NRXN1: variants seen among roughly 807,000 people sequenced by gnomAD.
NRXN1 encodes the protein neurexin-1.
NRXN1 carries 39 observed loss-of-function variants against 150.9 expected under a neutral mutation model. That is an observed-to-expected ratio of 0.26 (90% CI 0.20 to 0.34). The LOEUF (loss-of-function observed/expected upper bound fraction) is 0.34, where lower values mean the gene tolerates loss of function less well. Ranked by LOEUF, NRXN1 falls within the 10% of genes least tolerant of loss-of-function variation. The pLI is 1.00. For missense variants in NRXN1, 1,815 were observed against 1,949.9 expected (o/e 0.93, Z 1.30); for synonymous variants, 924 against 757.0 (o/e 1.22, Z -3.62).
chr2:50,934,413 G>T (rs1389633835), intron 2 of NRXN1, among the ~76,000 whole-genome samples: 2 of 151,772 alleles, frequency 1.3e-5, no homozygotes, highest in African/African-American at 4.8e-5. Context: ...TTTCAATTTT[G>T]TTTGTACGTA....
intron 5 of NRXN1, among the ~76,000 whole-genome samples, chr2:50,850,668 A>G (rs1235168915): frequency 6.6e-6 from 1 of 152,212 alleles, no homozygotes; most frequent in African/African-American, 2.4e-5. Flanking sequence ...TCATGCTTAA[A>G]GAGCCATTTA....
At chr2:50,749,321 T>G (rs3842981) in intron 5 of NRXN1, among the ~76,000 whole-genome samples, 139,404 of 152,062 alleles carry the variant, frequency 0.92, 64,049 homozygotes, top group African/African-American at 0.98. Context: ...ATTGGACTAG[T>G]TGGTTTCTGA....
intron 8 of NRXN1, among the ~76,000 whole-genome samples, chr2:50,569,076 C>G (rs1434798326): frequency 6.6e-6 from 1 of 151,948 alleles, no homozygotes; most frequent in Non-Finnish European, 1.5e-5. Context: ...TCACCTATTT[C>G]TGGGAGCTAA....
chr2:50,675,663 T>C (rs1007698471), intron 5 of NRXN1, among the ~76,000 whole-genome samples: 2 of 152,162 alleles, frequency 1.3e-5, no homozygotes, highest in Admixed American at 1.3e-4. Flanking sequence ...CCATGAATCA[T>C]CTTGTCATTA....
At chr2:50,031,208 A>T (rs1489438363) in intron 21 of NRXN1, among the ~76,000 whole-genome samples, 1 of 152,084 alleles carries the variant, frequency 6.6e-6, no homozygotes, top group East Asian at 1.9e-4. Flanking sequence ...ATACAATTTT[A>T]TGAATCAATG....
At chr2:50,268,230 A>C (rs2152920462) in intron 17 of NRXN1, among the ~76,000 whole-genome samples, 1 of 152,280 alleles carries the variant, frequency 6.6e-6, no homozygotes, top group African/African-American at 2.4e-5. Context: ...GTGAATTTAA[A>C]CCTGAGCTGG....
At chr2:50,179,056 G>C (rs1224970121) in intron 18 of NRXN1, among the ~76,000 whole-genome samples, 3 of 152,106 alleles carry the variant, frequency 2.0e-5, no homozygotes, top group South Asian at 2.1e-4. Context: ...TTAGTTCAAA[G>C]GAGCAAAACA....
chr2:50,754,568 A>G (rs1700967663), intron 5 of NRXN1, among the ~76,000 whole-genome samples: 1 of 151,882 alleles, frequency 6.6e-6, no homozygotes, highest in South Asian at 2.1e-4. Context: ...ATTCAAAGAG[A>G]AAATGCTTTA....
intron 1 of NRXN1, among the ~76,000 whole-genome samples, chr2:51,030,643 T>C (rs934362662): frequency 2.6e-5 from 4 of 152,136 alleles, no homozygotes; most frequent in Non-Finnish European, 5.9e-5. Context: ...TTATTTATTA[T>C]GGCTGATACA....
intron 21 of NRXN1, among the ~76,000 whole-genome samples, chr2:49,953,256 T>C (rs1674302272): frequency 6.6e-6 from 1 of 152,092 alleles, no homozygotes; most frequent in Admixed American, 6.6e-5. Flanking sequence ...GAGTTGAATA[T>C]ATGCAAGACT....
rs1671062199 is a variant in NRXN1, at chr2:51,028,956, T to G, written c.-683A>C. 6.6e-6 allele frequency: 1 copy of G among 152,260 alleles called. No individual in the cohort carries two copies. Among genetic ancestry groups the G allele is most frequent in the African/African-American group, 2.4e-5 (1 of 41,472 alleles). The allele number at this position is 152,260 out of a possible 1,614,324, so 9.4% of individuals were successfully genotyped here. A position where few individuals can be genotyped will look rare whatever the true frequency, so the allele number is the denominator to read the frequency against. On this transcript the variant is annotated 5_prime_UTR_variant, in exon 2 of 23. Transcript: ENST00000401669. ...CTTCAGCACCGCTGCAGCCAAAGCC[T>G]AATTCCTTGTGCGTGGTCTCACAAG...
intron 5 of NRXN1, among the ~76,000 whole-genome samples, chr2:50,683,441 G>A (rs1010007456): frequency 8.0e-5 from 12 of 149,332 alleles, no homozygotes; most frequent in Non-Finnish European, 1.8e-4. Context: ...GACCATCCTG[G>A]CTAACACGGT....
intron 2 of NRXN1, among the ~76,000 whole-genome samples, chr2:50,988,164 C>T (rs1698002849): frequency 6.6e-6 from 1 of 151,926 alleles, no homozygotes; most frequent in African/African-American, 2.4e-5. Flanking sequence ...ATAAGTCAGG[C>T]CTAATTTACC....
At chr2:50,339,683 A>G (rs2077424591) in intron 17 of NRXN1, among the ~76,000 whole-genome samples, 1 of 152,178 alleles carries the variant, frequency 6.6e-6, no homozygotes, top group African/African-American at 2.4e-5. Flanking sequence ...TATTTAATAA[A>G]TAACATTCCT....
At chr2:50,827,498 A>C (rs1158157073) in intron 5 of NRXN1, among the ~76,000 whole-genome samples, 1 of 152,172 alleles carries the variant, frequency 6.6e-6, no homozygotes, top group African/African-American at 2.4e-5. Context: ...GTAAAAAATA[A>C]TTTTTAAAAA....
intron 5 of NRXN1, among the ~76,000 whole-genome samples, chr2:50,630,625 A>C (rs1048780350): frequency 2.6e-5 from 4 of 151,916 alleles, no homozygotes; most frequent in Admixed American, 2.0e-4. Flanking sequence ...ATGCCAAAAA[A>C]CTAGCCAATA....
intron 21 of NRXN1, among the ~76,000 whole-genome samples, chr2:50,033,236 G>A (rs1172858180): frequency 6.6e-6 from 1 of 151,896 alleles, no homozygotes; most frequent in East Asian, 1.9e-4. Flanking sequence ...ATACTACAGG[G>A]CTACAATAAC....
chr2:50,106,228 A>C (rs933159894), intron 18 of NRXN1, among the ~76,000 whole-genome samples: 3 of 151,914 alleles, frequency 2.0e-5, no homozygotes, highest in South Asian at 4.2e-4. Context: ...CTTTCTCCCC[A>C]AGCTTATAAG....
chr2:50,909,058 A>T (rs1684157692), intron 5 of NRXN1, among the ~76,000 whole-genome samples: 1 of 152,034 alleles, frequency 6.6e-6, no homozygotes, highest in African/African-American at 2.4e-5. Context: ...TATAGAAAGT[A>T]TTTTTTTAAG....
Sources: allele counts gnomAD v4.1 joint callset (sites outside exome capture counted in the v4.1 genomes callset), GRCh38; gene constraint gnomAD v4.1.1; transcripts MANE v1.5; gene names NCBI Gene and HGNC (gene_info 2026-07-23, HGNC 2026-07-21).